ACSM6: variants seen among roughly 807,000 people sequenced by gnomAD.
The protein encoded by ACSM6 is acyl-coenzyme A synthetase ACSM6, mitochondrial.
Under a neutral mutation model 51.1 loss-of-function variants are expected in ACSM6, and 35 were observed. The observed-to-expected ratio is 0.69, with a 90% CI of 0.52 to 0.91. The LOEUF (loss-of-function observed/expected upper bound fraction) is 0.91, where lower values mean the gene tolerates loss of function less well. Ranked by LOEUF, ACSM6 falls within the 40% of genes least tolerant of loss-of-function variation. The pLI, the probability that ACSM6 is intolerant of heterozygous loss-of-function variation, is 0.00. For missense variants in ACSM6, 509 were observed against 584.1 expected (o/e 0.87, Z 1.32); for synonymous variants, 172 against 207.3 (o/e 0.83, Z 1.46).
In ACSM6 at chr10:95,207,261, C is replaced by CA. The variant is rs758183195; in HGVS notation, c.459dup (p.Leu154IlefsTer5). ...GCTGACTGCCAAGAAAATTCGCTAT[C>CA]AATTACGCATGTCTAAGGCCCAGTG... is the stretch of plus-strand genomic sequence containing the variant. On this transcript the variant is annotated frameshift_variant, in exon 4 of 11. Coordinates refer to ENST00000341686, the Ensembl canonical transcript of ACSM6. LOFTEE classifies it high-confidence loss of function. 6.2e-7 allele frequency: 1 copy of CA among 1,614,146 alleles called. No individual in the cohort carries two copies. The highest frequency in any genetic ancestry group is 8.5e-7 in the Non-Finnish European group (1 of 1,180,024).
rs56999073 is a variant in ACSM6 at position 95,228,486 on chromosome 10, G to A, written c.1303-158G>A. 8,725 of 633,762 alleles carry A rather than the reference G, an allele frequency of 0.014. 629 individuals are homozygous for A. The African/African-American group carries it at 0.15, about 11-fold the overall frequency. 39.3% of individuals were successfully genotyped at this position (633,762 alleles called of 1,614,324 possible). On this transcript the variant is annotated intron_variant, in intron 10 of 10. Coordinates refer to ENST00000341686, the Ensembl canonical transcript of ACSM6. ...GAGAAATGACCAAGGAAAGTTCTCC[G>A]TGTTTGTTGAGTTTTCTATGTGAGA...
At chr10:95,194,519 C>G (rs1203780476) in exon 2 of ACSM6, 2 of 1,551,576 alleles carry the variant, frequency 1.3e-6, no homozygotes, top group African/African-American at 2.7e-5. Context: ...CTCCTTGGTC[C>G]GGAGTTTCAG....
intron 8 of ACSM6, among the ~76,000 whole-genome samples, chr10:95,219,589 T>C (rs978554505): frequency 1.3e-5 from 2 of 152,202 alleles, no homozygotes; most frequent in Non-Finnish European, 2.9e-5. Context: ...ATTACCTTCT[T>C]TTTTCCTTGA....
At chr10:95,206,728 C>G (rs997767084) in intron 3 of ACSM6, among the ~76,000 whole-genome samples, 1 of 152,150 alleles carries the variant, frequency 6.6e-6, no homozygotes, top group African/African-American at 2.4e-5. Context: ...AGGAGGTCCA[C>G]AATAGGTGTT....
At chr10:95,211,856 T>C (rs2034896159) in intron 5 of ACSM6, 22 bp from the exon 6 acceptor site, 3 of 1,570,926 alleles carry the variant, frequency 1.9e-6, no homozygotes, top group East Asian at 4.5e-5. Flanking sequence ...AGAATTCAAA[T>C]GGCTTTCCTC....
chr10:95,225,099 G>C (rs953129630), intron 9 of ACSM6, among the ~76,000 whole-genome samples, 191 bp from the exon 10 acceptor site: 1 of 152,140 alleles, frequency 6.6e-6, no homozygotes, highest in African/African-American at 2.4e-5. Flanking sequence ...AATATTTCCA[G>C]CTCTGGCACC....
intron 8 of ACSM6, among the ~76,000 whole-genome samples, chr10:95,215,733 G>C (rs907901962): frequency 6.6e-6 from 1 of 152,224 alleles, no homozygotes; most frequent in East Asian, 1.9e-4. Context: ...CATAGATTGA[G>C]TGGCTTAAAC....
chr10:95,208,379 A>T (rs1163389266), intron 4 of ACSM6, among the ~76,000 whole-genome samples: 2 of 152,196 alleles, frequency 1.3e-5, no homozygotes, highest in Non-Finnish European at 2.9e-5. Context: ...TACAAGGTAC[A>T]CCATTTTGGT....
rs1564584579 is a variant in ACSM6 at position 95,194,523 on chromosome 10, G to A, written c.38G>A (p.Ser13Asn). Residue 13 changes from serine (S) to asparagine (N), a missense_variant, in exon 2 of 11, where the codon AGT becomes AAT. By Grantham distance (46) the Ser-to-Asn change is conservative. Coordinates refer to ENST00000341686, the Ensembl canonical transcript of ACSM6. ...TTTCAACCCTTCTCCTTGGTCCGGA[G>A]TTTCAGACTGGGATTTGAAGCCTGC... is the stretch of plus-strand genomic sequence containing the variant. 2 of 1,551,612 alleles carry A rather than the reference G, an allele frequency of 1.3e-6. No individual in the cohort carries two copies. The highest frequency in any genetic ancestry group is 1.7e-6 in the Non-Finnish European group (2 of 1,146,994).
rs117698740 is a variant in ACSM6 at position 95,198,524 on chromosome 10, G to A, written c.193-3461G>A. On this transcript the variant is annotated intron_variant, in intron 2 of 10. Coordinates refer to ENST00000341686, the Ensembl canonical transcript of ACSM6. The stretch of plus-strand genomic sequence containing the variant: ...AAATTAGCCTGGTGTGGCTGTGTGT[G>A]CCTGTAGTGCCAGGTACTTGGGAGT... Among the ~76,000 whole-genome samples, 753 of 152,182 alleles carry A rather than the reference G, an allele frequency of 4.9e-3. 20 individuals are homozygous for A. In the East Asian group the frequency reaches 0.093, roughly 19 times the overall value.
intron 10 of ACSM6, chr10:95,225,691 TA>T (rs2035030461): frequency 8.2e-6 from 2 of 243,386 alleles, no homozygotes; most frequent in East Asian, 1.7e-4. Context: ...ACTTTCTTCT[TA>T]AACATCAGCA....
intron 9 of ACSM6, among the ~76,000 whole-genome samples, chr10:95,220,243 A>T (rs563722203): frequency 2.0e-5 from 3 of 150,748 alleles, no homozygotes; most frequent in East Asian, 3.9e-4. Context: ...GAAATCGAAT[A>T]AAAAAAATTG....
chr10:95,211,976 A>C (rs1471492171), exon 6 of ACSM6: 1 of 1,614,126 alleles, frequency 6.2e-7, no homozygotes, highest in Admixed American at 1.7e-5. Context: ...ACTTGGTTCC[A>C]AGGAGCCTGT....
In ACSM6 at chr10:95,219,990, G is replaced by A. The variant is rs1160973649; in HGVS notation, c.1200+19G>A. 2.6e-6 allele frequency: 4 copies of A among 1,549,890 alleles called. No homozygotes were observed. The highest frequency in any genetic ancestry group is 3.6e-6 in the Non-Finnish European group (4 of 1,124,992). On this transcript the variant is annotated intron_variant, in intron 9 of 10. Coordinates refer to ENST00000341686, the Ensembl canonical transcript of ACSM6. ...TGTCCAGGTAGGAGATCATAGTAATGATTATGACAGATATTATTAAGTGAG... is the reference window on the plus strand; with the variant it reads ...TGTCCAGGTAGGAGATCATAGTAATAATTATGACAGATATTATTAAGTGAG...
chr10:95,203,892 G>C (rs1405406787), intron 3 of ACSM6, among the ~76,000 whole-genome samples: 1 of 146,400 alleles, frequency 6.8e-6, no homozygotes, highest in African/African-American at 2.5e-5. Context: ...ACTGAAAAGT[G>C]ATTCAAAGAG....
At chr10:95,194,381 T>C (rs2034704768) in intron 1 of ACSM6, 78 bp downstream of exon 1, 2 of 1,082,452 alleles carry the variant, frequency 1.8e-6, no homozygotes, top group Non-Finnish European at 1.3e-6. Context: ...GTTTGCCTTA[T>C]GGATTCATTC....
At chr10:95,215,016 T>C in intron 8 of ACSM6, 41 bp downstream of exon 8, 1 of 1,548,864 alleles carries the variant, frequency 6.5e-7, no homozygotes, top group Non-Finnish European at 8.7e-7. Context: ...GAAACCAAAC[T>C]TGCCCATTCA....
At chr10:95,227,943 C>T (rs550550355) in intron 10 of ACSM6, among the ~76,000 whole-genome samples, 14 of 152,160 alleles carry the variant, frequency 9.2e-5, no homozygotes, top group Admixed American at 3.9e-4. Flanking sequence ...TGGTGATCGG[C>T]GCCTGTAATC....
At chr10:95,228,853 A>G in exon 11 of ACSM6, 1 of 1,358,450 alleles carries the variant, frequency 7.4e-7, no homozygotes, top group Non-Finnish European at 9.7e-7. Context: ...TGCTTCCAAT[A>G]CGTAGGAATT....
Sources: allele counts gnomAD v4.1 joint callset (sites outside exome capture counted in the v4.1 genomes callset), GRCh38; gene constraint gnomAD v4.1.1; transcripts MANE v1.5; gene names NCBI Gene and HGNC (gene_info 2026-07-23, HGNC 2026-07-21).